The following CENPK variants were observed in gnomAD, a reference collection of about 807,000 sequenced individuals.
The protein encoded by CENPK is centromere protein K, also known as SoxLZ/Sox6-binding protein Solt.
Under a neutral mutation model 40.9 loss-of-function variants are expected in CENPK, and 46 were observed. The ratio of observed to expected loss-of-function variants is 1.13; its 90% confidence interval spans 0.89 to 1.44. CENPK has a LOEUF of 1.44. Among genes scored for constraint, CENPK ranks in the 40% most tolerant of loss-of-function variants. CENPK has a pLI of 0.00. For synonymous variants in CENPK, 107 were observed against 104.4 expected (o/e 1.02, Z -0.15); for missense variants, 288 against 303.5 (o/e 0.95, Z 0.38).
chr5:65,545,859 C>T lies in CENPK; in HGVS notation c.242-3011G>A, dbSNP rs114780069. ...GTGTCCAGACTCCTATCTGCAGAAACTGGGAAATAATAAATGTCCTCAGAC... is the reference window on the plus strand; with the variant it reads ...GTGTCCAGACTCCTATCTGCAGAAATTGGGAAATAATAAATGTCCTCAGAC... On this transcript the variant is annotated intron_variant, in intron 5 of 10. Coordinates refer to ENST00000396679, the MANE Select transcript of CENPK (RefSeq NM_022145.5). Among the ~76,000 whole-genome samples, 760 of 152,174 alleles carry T rather than the reference C, an allele frequency of 5.0e-3. 5 individuals are homozygous for T. The highest frequency in any genetic ancestry group is 0.018 in the African/African-American group (734 of 41,522).
At chr5:65,540,036 C>A (rs956008004) in intron 6 of CENPK, among the ~76,000 whole-genome samples, 16 of 152,218 alleles carry the variant, frequency 1.1e-4, no homozygotes, top group Non-Finnish European at 1.8e-4. Context: ...CAGCACCTGG[C>A]TTCAGTTGAG....
In CENPK at chr5:65,517,768, G is replaced by C. The variant is rs1182336846; in HGVS notation, c.*707C>G. On this transcript the variant is annotated 3_prime_UTR_variant, in exon 11 of 11. Transcript: ENST00000396679. ...AAATATCCCACATCACTAATAGCTA[G>C]AGATTTTCAGAAATAATTTTATTTA... 6.6e-6 allele frequency: 1 copy of C among 151,962 alleles called. No homozygotes were observed. The highest frequency in any genetic ancestry group is 1.5e-5 in the Non-Finnish European group (1 of 67,952). The allele number at this position is 151,962 out of a possible 1,614,324, so 9.4% of individuals were successfully genotyped here.
chr5:65,520,629 T>C (rs1743564015), intron 10 of CENPK, among the ~76,000 whole-genome samples: 1 of 152,196 alleles, frequency 6.6e-6, no homozygotes, highest in Non-Finnish European at 1.5e-5. Flanking sequence ...ATTTGTATTT[T>C]GCTTTTCAAA....
intron 2 of CENPK, chr5:65,555,232 A>G: frequency 5.7e-6 from 1 of 174,074 alleles, no homozygotes; most frequent in Non-Finnish European, 1.2e-5. Context: ...TGGTCATATA[A>G]GGTTACTGAG....
At chr5:65,545,658 G>A (rs2150475209) in intron 5 of CENPK, among the ~76,000 whole-genome samples, 1 of 152,262 alleles carries the variant, frequency 6.6e-6, no homozygotes, top group East Asian at 1.9e-4. Context: ...GATCAGGAAG[G>A]AAGAACAATA....
chr5:65,528,376 A>G (rs1181678813), intron 9 of CENPK, 76 bp downstream of exon 9: 1 of 1,389,548 alleles, frequency 7.2e-7, no homozygotes, highest in African/African-American at 1.5e-5. Context: ...GAACTAAATA[A>G]GAAAATATGC....
intron 8 of CENPK, 90 bp from the exon 9 acceptor site, chr5:65,528,668 T>G: frequency 7.4e-7 from 1 of 1,348,696 alleles, no homozygotes; most frequent in Non-Finnish European, 9.8e-7. Context: ...ATCAAAAACT[T>G]TGTTAAAACT....
Position 65,530,638 on chromosome 5 carries a change from T to C in CENPK, c.289-1439A>G, listed in dbSNP as rs1745626550. 2.6e-5 allele frequency among the ~76,000 whole-genome samples: 4 copies of C among 152,346 alleles called. No homozygotes were observed. The South Asian group carries it at 8.3e-4, about 32-fold the overall frequency. On this transcript the variant is annotated intron_variant, in intron 6 of 10. Coordinates refer to ENST00000396679, the MANE Select transcript of CENPK (RefSeq NM_022145.5). ...AAATCAGTGATAAGTTAAACATGTA[T>C]ATTACAAACCCTAAAGTAACTATGA...
At position 65,528,700 on chromosome 5, in the gene CENPK, C is replaced by G. The variant is rs867341199; in HGVS notation, c.471-122G>C. On this transcript the variant is annotated intron_variant, in intron 8 of 10. Transcript: ENST00000396679. ...AACTTCATTTGCTCAAACCAAATAA[C>G]TACCTTTTTGAAAATCATATTGTCT... is the stretch of plus-strand genomic sequence containing the variant. The G allele has an allele frequency of 5.4e-5, 67 of 1,247,532 alleles. No individual in the cohort carries two copies. In the Middle Eastern group the frequency reaches 2.0e-3, roughly 37 times the overall value. The allele number at this position is 1,247,532 out of a possible 1,614,324, so 77.3% of individuals were successfully genotyped here.
At chr5:65,506,844 T>C in the CENPK span, among the ~76,000 whole-genome samples, 1 of 152,130 alleles carries the variant, frequency 6.6e-6, no homozygotes, top group Non-Finnish European at 1.5e-5. Context: ...AAAATACCCA[T>C]TCTAAAGCCT....
At chr5:65,497,842 C>T in the CENPK span, among the ~76,000 whole-genome samples, 4 of 152,062 alleles carry the variant, frequency 2.6e-5, no homozygotes, top group African/African-American at 9.7e-5. Context: ...TGCACTGCAG[C>T]CTGGGCAACT....
intron 5 of CENPK, among the ~76,000 whole-genome samples, chr5:65,549,221 T>C (rs531304205): frequency 2.0e-5 from 3 of 152,260 alleles, no homozygotes; most frequent in Admixed American, 2.0e-4. Context: ...TTTTTTTTCC[T>C]GAGTGGTAGG....
At chr5:65,498,593 C>G in the CENPK span, among the ~76,000 whole-genome samples, 1 of 150,700 alleles carries the variant, frequency 6.6e-6, no homozygotes, top group East Asian at 1.9e-4. Context: ...CCTTCTCTTT[C>G]TTTTTTCTTT....
At chr5:65,512,040 T>C in the CENPK span, among the ~76,000 whole-genome samples, 1 of 152,174 alleles carries the variant, frequency 6.6e-6, no homozygotes, top group Non-Finnish European at 1.5e-5. Context: ...ACTTCATGGA[T>C]GACTCTGAGG....
At chr5:65,556,410 G>A (rs759911116) in intron 2 of CENPK, among the ~76,000 whole-genome samples, 10 of 152,110 alleles carry the variant, frequency 6.6e-5, no homozygotes, top group Non-Finnish European at 1.2e-4. Context: ...AGGAGTTCAA[G>A]GTTATAGTAA....
At chr5:65,513,570 GTAAA>G, downstream of CENPK, among the ~76,000 whole-genome samples, 2 of 152,144 alleles carry the variant, frequency 1.3e-5, no homozygotes, top group African/African-American at 4.8e-5. Flanking sequence ...TGGTGCTAAT[GTAAA>G]TGTTTTAAAT....
At chr5:65,514,793 T>C (rs1425542765), downstream of CENPK, among the ~76,000 whole-genome samples, 2 of 152,200 alleles carry the variant, frequency 1.3e-5, no homozygotes, top group Non-Finnish European at 2.9e-5. Flanking sequence ...GTAGGTTGCG[T>C]CTTTCACAAA....
the CENPK span, among the ~76,000 whole-genome samples, chr5:65,498,426 C>G: frequency 6.6e-6 from 1 of 151,828 alleles, no homozygotes; most frequent in Non-Finnish European, 1.5e-5. Context: ...GAAGTAAAAT[C>G]CTACCTTCCT....
chr5:65,562,420 G>A (rs1054345326), intron 1 of CENPK, among the ~76,000 whole-genome samples: 1 of 152,116 alleles, frequency 6.6e-6, no homozygotes, highest in East Asian at 1.9e-4. Context: ...GCCTACTATG[G>A]GGGGGCAGTT....
Sources: allele counts gnomAD v4.1 joint callset (sites outside exome capture counted in the v4.1 genomes callset), GRCh38; gene constraint gnomAD v4.1.1; transcripts MANE v1.5; gene names NCBI Gene and HGNC (gene_info 2026-07-23, HGNC 2026-07-21).